Variants in MYO1C observed in about 807,000 individuals in gnomAD.
The protein encoded by MYO1C is myosin IC, also known as unconventional myosin-Ic.
In MYO1C, 104 loss-of-function variants were observed where a neutral mutation model predicts 150.8. The observed-to-expected ratio is 0.69, with a 90% CI of 0.59 to 0.81. The LOEUF (loss-of-function observed/expected upper bound fraction) is 0.81. Ranked by LOEUF, MYO1C falls within the 30% of genes least tolerant of loss-of-function variation. MYO1C has a pLI of 0.00. For synonymous variants in MYO1C, 663 were observed against 579.9 expected, an observed-to-expected ratio of 1.14 and a Z score of -2.06; for missense variants, 1,504 against 1,435.0, an observed-to-expected ratio of 1.05 and a Z score of -0.78.
intron 22 of MYO1C, 49 bp from the exon 23 acceptor site, chr17:1,470,568 G>C: frequency 6.4e-7 from 1 of 1,572,810 alleles, no homozygotes; most frequent in Non-Finnish European, 8.6e-7. Flanking sequence ...TACCATGGTG[G>C]CCCCCCCTGG....
rs909283288 is a variant in MYO1C, at chr17:1,471,348, A to G, written c.2022-12T>C. 1.9e-6 allele frequency: 3 copies of G among 1,611,686 alleles called. No individual in the cohort carries two copies. The highest frequency in any genetic ancestry group is 1.7e-5 in the Admixed American group (1 of 59,894). ...ACAGTGACTTGTACCTGGGGACAGG[A>G]ATGCACGCGGCTCCCACCCCAGTCA... On this transcript the variant is annotated splice_polypyrimidine_tract_variant and intron_variant, in intron 19 of 31. Coordinates refer to ENST00000648651, the MANE Select transcript of MYO1C (RefSeq NM_001080779.2).
At chr17:1,485,586 C>G in intron 1 of MYO1C, 1 of 893,994 alleles carries the variant, frequency 1.1e-6, no homozygotes, top group East Asian at 4.9e-5. Context: ...CGTTTTTCCA[C>G]CCGGAATTCC....
At chr17:1,490,550 G>A (rs2074718013) in intron 1 of MYO1C, among the ~76,000 whole-genome samples, 1 of 152,098 alleles carries the variant, frequency 6.6e-6, no homozygotes, top group Non-Finnish European at 1.5e-5. Flanking sequence ...CTCCATCACT[G>A]CTCCTTACCT....
intron 25 of MYO1C, chr17:1,469,251 G>C (rs1598321874): frequency 1.3e-5 from 6 of 479,704 alleles, no homozygotes; most frequent in Non-Finnish European, 3.9e-6. Flanking sequence ...CTATAGACGG[G>C]GTAAATACAG....
At chr17:1,481,725 T>C (rs1382258930) in intron 5 of MYO1C, among the ~76,000 whole-genome samples, 3 of 149,470 alleles carry the variant, frequency 2.0e-5, no homozygotes, top group Non-Finnish European at 4.4e-5. Context: ...GGTCTTGAAC[T>C]CCCGACCTCA....
At chr17:1,474,054 C>T (rs553365197) in intron 17 of MYO1C, among the ~76,000 whole-genome samples, 3 of 152,184 alleles carry the variant, frequency 2.0e-5, no homozygotes, top group Non-Finnish European at 2.9e-5. Flanking sequence ...CAGAGACAGA[C>T]GTACACAAGG....
At position 1,470,528 on chromosome 17, in the gene MYO1C, G is replaced by C; in HGVS notation, c.2282-9C>G. On this transcript the variant is annotated splice_polypyrimidine_tract_variant and intron_variant, in intron 22 of 31. Transcript: ENST00000648651. ...CGACTGGATGCAGATGGCTGTCGTG[G>C]AGACCACAGATGGCTGAACTCTATC... 1 of 1,554,770 alleles carries C rather than the reference G, an allele frequency of 6.4e-7. No homozygotes were observed. The highest frequency in any genetic ancestry group is 2.4e-5 in the East Asian group (1 of 41,412).
chr17:1,477,727 C>A, intron 13 of MYO1C, 131 bp from the exon 14 acceptor site: 1 of 993,092 alleles, frequency 1.0e-6, no homozygotes. Context: ...CAGAGAGCTT[C>A]CAACTGGGGC....
chr17:1,471,722 G>A (rs757619994), intron 19 of MYO1C, among the ~76,000 whole-genome samples, 185 bp downstream of exon 19: 2 of 152,144 alleles, frequency 1.3e-5, no homozygotes, highest in Non-Finnish European at 2.9e-5. Context: ...TGGGGGAGCC[G>A]GGTATTCTTT....
chr17:1,467,633 C>T (rs2074202794), intron 29 of MYO1C, 56 bp from the exon 30 acceptor site: 8 of 1,521,602 alleles, frequency 5.3e-6, no homozygotes, highest in South Asian at 3.4e-5. Flanking sequence ...GAGGAACCCC[C>T]GCCCCACCTC....
At chr17:1,485,743 G>A (rs1475720952) in intron 1 of MYO1C, 4 of 1,126,316 alleles carry the variant, frequency 3.6e-6, no homozygotes, top group East Asian at 4.7e-5. Context: ...CCGCTCCGCT[G>A]CCCGCGCTCC....
intron 5 of MYO1C, 63 bp from the exon 6 acceptor site, chr17:1,480,948 T>C (rs531959990): frequency 1.3e-6 from 2 of 1,568,824 alleles, no homozygotes; most frequent in South Asian, 2.2e-5. Flanking sequence ...CACCTGCCCC[T>C]CTTCTCCCCT....
intron 1 of MYO1C, among the ~76,000 whole-genome samples, chr17:1,488,205 GGGGTCGGGCCCGCTTCTTCCAGTTCCC>G (rs564828891): frequency 1.9e-4 from 29 of 152,272 alleles, no homozygotes; most frequent in African/African-American, 6.3e-4. Context: ...CGCGCGCGGA[GGGGTCGGGCCCGCTTCTTCCAGTTCCC>G]GGGCCGCGCC....
Position 1,483,062 on chromosome 17 carries a change from G to A in MYO1C, c.348-3C>T. 1.3e-6 allele frequency: 2 copies of A among 1,598,840 alleles called. No homozygotes were observed. The highest frequency in any genetic ancestry group is 1.7e-6 in the Non-Finnish European group (2 of 1,173,604). ...ACACAGTGTCCGCCACGGCAAACCT[G>A]GGGCGGAGGCTCGTCAGGGAGTTTG... On this transcript the variant is annotated splice_region_variant and splice_polypyrimidine_tract_variant and intron_variant, in intron 3 of 31. Coordinates refer to ENST00000648651, the MANE Select transcript of MYO1C (RefSeq NM_001080779.2).
chr17:1,490,035 C>A (rs867936736), intron 1 of MYO1C, among the ~76,000 whole-genome samples: 612 of 104,174 alleles, frequency 5.9e-3, no homozygotes, highest in South Asian at 6.7e-3. Flanking sequence ...GACACTGTCT[C>A]AAAAAAAAAA....
At chr17:1,485,911 T>G (rs1391096774) in intron 1 of MYO1C, 2 of 145,406 alleles carry the variant, frequency 1.4e-5, no homozygotes, top group Non-Finnish European at 1.5e-5. Flanking sequence ...TTGGTGGAGG[T>G]GGGGGTGTCG....
chr17:1,477,447 T>C, intron 14 of MYO1C, 58 bp downstream of exon 14: 1 of 1,512,372 alleles, frequency 6.6e-7, no homozygotes, highest in Middle Eastern at 1.7e-4. Flanking sequence ...ACTCCTGCAC[T>C]CCGCAGGCTC....
intron 24 of MYO1C, among the ~76,000 whole-genome samples, chr17:1,469,847 C>T (rs2074261876): frequency 6.6e-6 from 1 of 152,116 alleles, no homozygotes; most frequent in Non-Finnish European, 1.5e-5. Flanking sequence ...CCAGCCTGGC[C>T]AACAGGGTGA....
At chr17:1,491,419 G>C (rs1327472632) in intron 1 of MYO1C, among the ~76,000 whole-genome samples, 3 of 150,024 alleles carry the variant, frequency 2.0e-5, no homozygotes, top group South Asian at 2.1e-4. Context: ...GTCTCCACCA[G>C]GCTGCGCCGG....
Sources: allele counts gnomAD v4.1 joint callset (sites outside exome capture counted in the v4.1 genomes callset), GRCh38; gene constraint gnomAD v4.1.1; transcripts MANE v1.5; gene names NCBI Gene and HGNC (gene_info 2026-07-23, HGNC 2026-07-21).